The following PACRG variants were observed in gnomAD, a reference collection of about 807,000 sequenced individuals.
PACRG encodes parkin coregulated.
Under a neutral mutation model 29.7 loss-of-function variants are expected in PACRG, and 29 were observed. That is an observed-to-expected ratio of 0.98 (90% confidence interval 0.73 to 1.33). The LOEUF (loss-of-function observed/expected upper bound fraction) is 1.33, where lower values mean the gene tolerates loss of function less well. Among genes scored for constraint, PACRG ranks in the 40% most tolerant of loss-of-function variants. PACRG has a pLI of 0.00. For synonymous variants in PACRG, 116 were observed against 118.7 expected (o/e 0.98, Z 0.15); for missense variants, 279 against 316.2 (o/e 0.88, Z 0.89).
chr6:162,861,179 G>T (rs1020456413), intron 2 of PACRG, among the ~76,000 whole-genome samples: 1 of 152,160 alleles, frequency 6.6e-6, no homozygotes, highest in Non-Finnish European at 1.5e-5. Context: ...AAAGCATTTT[G>T]TAGATTAAAT....
chr6:162,902,366 T>C (rs1795623157), intron 2 of PACRG, among the ~76,000 whole-genome samples: 1 of 152,228 alleles, frequency 6.6e-6, no homozygotes, highest in Non-Finnish European at 1.5e-5. Context: ...ATATGGCTGA[T>C]GATATACCTT....
At chr6:162,892,321 A>T (rs984469079) in intron 2 of PACRG, among the ~76,000 whole-genome samples, 39 of 152,288 alleles carry the variant, frequency 2.6e-4, no homozygotes, top group Middle Eastern at 3.4e-3. Flanking sequence ...AAGACATCTG[A>T]CTTTGGTCTC....
intron 2 of PACRG, among the ~76,000 whole-genome samples, chr6:163,019,045 T>C (rs1371927596): frequency 6.6e-6 from 1 of 152,224 alleles, no homozygotes. Context: ...TTAAGTTCTA[T>C]GTTTTTAATG....
intron 3 of PACRG, among the ~76,000 whole-genome samples, chr6:163,069,652 C>T (rs1811864340): frequency 1.3e-5 from 2 of 151,554 alleles, no homozygotes; most frequent in African/African-American, 4.9e-5. Flanking sequence ...GAAGCGCACA[C>T]TTACAGGATC....
At chr6:162,917,548 T>G (rs913171609) in intron 2 of PACRG, among the ~76,000 whole-genome samples, 1 of 152,178 alleles carries the variant, frequency 6.6e-6, no homozygotes, top group Admixed American at 6.5e-5. Flanking sequence ...TTAGAAGAGA[T>G]AGATTTGGGT....
chr6:163,231,739 T>C (rs1007717746), intron 4 of PACRG, among the ~76,000 whole-genome samples: 3 of 152,124 alleles, frequency 2.0e-5, no homozygotes, highest in African/African-American at 7.2e-5. Context: ...CCCTTATCCA[T>C]GAGCTTGCAT....
intron 2 of PACRG, among the ~76,000 whole-genome samples, chr6:162,816,595 G>A (rs1006284927): frequency 1.3e-5 from 2 of 152,072 alleles, no homozygotes; most frequent in African/African-American, 2.4e-5. Flanking sequence ...CTCGTGATCC[G>A]CCTGTCTCAG....
intron 4 of PACRG, among the ~76,000 whole-genome samples, chr6:163,203,671 A>G (rs761244164): frequency 1.6e-4 from 25 of 152,186 alleles, no homozygotes; most frequent in Non-Finnish European, 2.6e-4. Flanking sequence ...AATAATAGCA[A>G]ATTCTGAGCT....
At chr6:162,971,400 C>G (rs573038939) in intron 2 of PACRG, among the ~76,000 whole-genome samples, 1 of 152,200 alleles carries the variant, frequency 6.6e-6, no homozygotes, top group Non-Finnish European at 1.5e-5. Context: ...CAGCCTCTTA[C>G]AACCACAGCG....
In PACRG at chr6:163,093,490, C is replaced by A. The variant is rs59937786; in HGVS notation, c.613+4082C>A. ...TTATAGCTTTCAGAGATGAAACTAC[C>A]AAATTAATGATGCAGAGTATTACAT... On this transcript the variant is annotated intron_variant, in intron 4 of 4. Coordinates refer to ENST00000366888, the MANE Select transcript of PACRG (RefSeq NM_001080379.2). Among the ~76,000 whole-genome samples the A allele has an allele frequency of 5.1e-3, 775 of 152,204 alleles. 14 individuals carry two copies. In the East Asian group the frequency reaches 0.065, roughly 13 times the overall value.
At chr6:163,199,793 G>A (rs1780625946) in intron 4 of PACRG, among the ~76,000 whole-genome samples, 1 of 152,104 alleles carries the variant, frequency 6.6e-6, no homozygotes, top group African/African-American at 2.4e-5. Flanking sequence ...ATTCAGTGTG[G>A]TTCTTTTGTT....
chr6:162,989,868 C>T (rs1803277110), intron 2 of PACRG, among the ~76,000 whole-genome samples: 1 of 151,946 alleles, frequency 6.6e-6, no homozygotes, highest in Admixed American at 6.6e-5. Flanking sequence ...AGGTATATCT[C>T]CCAATGCTAT....
chr6:162,786,379 G>A (rs1037098154), intron 1 of PACRG, among the ~76,000 whole-genome samples: 4 of 152,188 alleles, frequency 2.6e-5, no homozygotes, highest in African/African-American at 9.7e-5. Flanking sequence ...TGAATACACA[G>A]CTAGACTACA....
Position 163,280,371 on chromosome 6 carries a change from C to T in PACRG, c.614-34456C>T, listed in dbSNP as rs117314830. Among the ~76,000 whole-genome samples the T allele has an allele frequency of 1.6e-4, 25 of 152,188 alleles. No homozygotes were observed. The East Asian group carries it at 3.1e-3, about 19-fold the overall frequency. On this transcript the variant is annotated intron_variant, in intron 4 of 4. Transcript: ENST00000366888. ...GGCTGTCTCAACAGTTTTGGGTTTG[C>T]CTGGATTTCACTGCATCTTGAGCTG... is the stretch of plus-strand genomic sequence containing the variant.
chr6:162,967,226 G>A (rs1189163304), intron 2 of PACRG, among the ~76,000 whole-genome samples: 2 of 145,870 alleles, frequency 1.4e-5, no homozygotes. Flanking sequence ...GAATACATCT[G>A]GAAGTGATTT....
intron 1 of PACRG, among the ~76,000 whole-genome samples, chr6:162,759,473 A>C (rs1159998593): frequency 2.0e-5 from 3 of 152,194 alleles, no homozygotes; most frequent in African/African-American, 7.2e-5. Flanking sequence ...CTCCAGATTC[A>C]CATCCACATC....
At chr6:163,266,290 A>G (rs76676976) in intron 4 of PACRG, among the ~76,000 whole-genome samples, 79 of 152,338 alleles carry the variant, frequency 5.2e-4, no homozygotes, top group Middle Eastern at 3.4e-3. Context: ...TAGGTAAGTA[A>G]TACCGGTAAA....
intron 2 of PACRG, among the ~76,000 whole-genome samples, chr6:162,842,616 T>A (rs1326538578): frequency 9.9e-5 from 12 of 120,812 alleles, no homozygotes; most frequent in Non-Finnish European, 1.7e-4. Context: ...AATATTGTTA[T>A]GTGTGAATTT....
chr6:163,123,563 A>G (rs1273994024), intron 4 of PACRG, among the ~76,000 whole-genome samples: 2 of 152,206 alleles, frequency 1.3e-5, no homozygotes, highest in Non-Finnish European at 2.9e-5. Flanking sequence ...ACAATACCTT[A>G]TCGTTAACTC....
Sources: gnomAD v4.1 joint callset for allele counts (sites outside exome capture counted in the v4.1 genomes callset) on GRCh38, gnomAD v4.1.1 for gene constraint, MANE v1.5 for transcripts, NCBI Gene and HGNC (gene_info 2026-07-23, HGNC 2026-07-21) for gene names.